Variants in DCDC1 observed in about 807,000 individuals in gnomAD.
The protein encoded by DCDC1 is doublecortin domain containing 1, also known as doublecortin domain-containing protein 1.
Under a neutral mutation model 178.3 loss-of-function variants are expected in DCDC1, and 200 were observed. That is an observed-to-expected ratio of 1.12 (90% CI 1.00 to 1.26). The LOEUF (loss-of-function observed/expected upper bound fraction) is 1.26. Among genes scored for constraint, DCDC1 ranks in the 50% most tolerant of loss-of-function variants. DCDC1 has a pLI of 0.00. For synonymous variants in DCDC1, 690 were observed against 604.8 expected (o/e 1.14, Z -2.07); for missense variants, 1,983 against 1,749.2 (o/e 1.13, Z -2.38).
At chr11:31,082,120 T>G (rs1213223770) in intron 17 of DCDC1, among the ~76,000 whole-genome samples, 1 of 151,936 alleles carries the variant, frequency 6.6e-6, no homozygotes, top group Non-Finnish European at 1.5e-5. Flanking sequence ...AACAACGACA[T>G]CAATAACGAA....
intron 9 of DCDC1, 51 bp downstream of exon 9, chr11:31,241,399 G>C (rs1214245766): frequency 5.1e-6 from 2 of 394,312 alleles, no homozygotes; most frequent in Non-Finnish European, 9.0e-6. Flanking sequence ...ATACAACCAA[G>C]TATATTTTTA....
At chr11:31,290,939 G>C in intron 6 of DCDC1, 87 bp from the exon 7 acceptor site, 7 of 1,187,128 alleles carry the variant, frequency 5.9e-6, no homozygotes, top group Non-Finnish European at 8.3e-6. Flanking sequence ...TATTACCTGT[G>C]TATTATACAC....
chr11:31,085,956 G>T (rs776508644), intron 17 of DCDC1, among the ~76,000 whole-genome samples: 1 of 151,886 alleles, frequency 6.6e-6, no homozygotes, highest in Admixed American at 6.6e-5. Flanking sequence ...TCAAACTCCC[G>T]GTCTCAAGCA....
intron 6 of DCDC1, among the ~76,000 whole-genome samples, chr11:31,296,773 G>C (rs1245031397): frequency 2.0e-5 from 3 of 152,178 alleles, no homozygotes; most frequent in African/African-American, 4.8e-5. Flanking sequence ...AGAAGGAGAA[G>C]TGCAGAGCAA....
intron 20 of DCDC1, among the ~76,000 whole-genome samples, chr11:31,027,315 C>T (rs992761712): frequency 2.4e-4 from 37 of 151,740 alleles, no homozygotes; most frequent in Admixed American, 1.1e-3. Context: ...CTGCCTCCAA[C>T]TCTCATAAAA....
At chr11:30,903,280 A>C (rs1944828706) in intron 32 of DCDC1, among the ~76,000 whole-genome samples, 1 of 152,158 alleles carries the variant, frequency 6.6e-6, no homozygotes, top group Non-Finnish European at 1.5e-5. Flanking sequence ...CTAAAATCAA[A>C]ATTTGCATTA....
At chr11:31,254,992 CTG>C (rs1469714503) in intron 8 of DCDC1, among the ~76,000 whole-genome samples, 1 of 152,098 alleles carries the variant, frequency 6.6e-6, no homozygotes, top group African/African-American at 2.4e-5. Context: ...CATTCTGTCT[CTG>C]TGGATTTATT....
Position 31,284,831 on chromosome 11 carries a change from G to T in DCDC1, c.960+5816C>A, listed in dbSNP as rs368069111. On this transcript the variant is annotated intron_variant, in intron 7 of 38. Coordinates refer to ENST00000684477, the MANE Select transcript of DCDC1 (RefSeq NM_001387274.1). Reference sequence around the variant, plus strand: ...TTTTTGTATTTTTAGTAGAGACAGGGTTTCACCATGTTGGCCAGGCTGGTC... The same window carrying T: ...TTTTTGTATTTTTAGTAGAGACAGGTTTTCACCATGTTGGCCAGGCTGGTC... Among the ~76,000 whole-genome samples the T allele has an allele frequency of 1.8e-4, 27 of 151,840 alleles. 1 individual carries two copies. The East Asian group carries it at 4.7e-3, about 26-fold the overall frequency.
At chr11:31,136,690 G>A (rs1424943911) in intron 10 of DCDC1, among the ~76,000 whole-genome samples, 1 of 152,084 alleles carries the variant, frequency 6.6e-6, no homozygotes, top group Non-Finnish European at 1.5e-5. Flanking sequence ...GTGGTACATA[G>A]AAATTAGAAA....
rs933488157 is a variant in DCDC1 at position 30,913,388 on chromosome 11, A to G, written c.3654-1968T>C. On this transcript the variant is annotated intron_variant, in intron 27 of 38. Coordinates refer to ENST00000684477, the MANE Select transcript of DCDC1 (RefSeq NM_001387274.1). ...CATGCCACTGCACTCCAGCCTGGGCAACAGAGACTCTGTCTCAAAAAAAAA... is the reference window on the plus strand; with the variant it reads ...CATGCCACTGCACTCCAGCCTGGGCGACAGAGACTCTGTCTCAAAAAAAAA... 2.0e-5 allele frequency among the ~76,000 whole-genome samples: 3 copies of G among 151,998 alleles called. No homozygotes were observed. In the East Asian group the frequency reaches 5.8e-4, roughly 29 times the overall value.
rs369486242 is a variant in DCDC1 at position 30,992,198 on chromosome 11, A to C, written c.2592-39630T>G. Among the ~76,000 whole-genome samples the C allele has an allele frequency of 1.7e-4, 26 of 152,326 alleles. No homozygotes were observed. In the South Asian group the frequency reaches 5.0e-3, roughly 29 times the overall value. ...AATTGCTAACAAGTCATTTTAAAAG[A>C]AATGCTGTATTTTTCTCTTAACAGA... On this transcript the variant is annotated intron_variant, in intron 20 of 38. Transcript: ENST00000684477.
intron 1 of DCDC1, among the ~76,000 whole-genome samples, chr11:31,352,336 GTTTA>G (rs959610925): frequency 2.6e-5 from 4 of 152,004 alleles, no homozygotes; most frequent in Admixed American, 6.6e-5. Context: ...AAGAGAAATC[GTTTA>G]TTTATTTAAA....
chr11:31,289,044 T>A (rs574676416), intron 7 of DCDC1, among the ~76,000 whole-genome samples: 6 of 152,066 alleles, frequency 3.9e-5, no homozygotes. Flanking sequence ...TTTCTACAAA[T>A]CATAAAAGAA....
chr11:30,901,132 G>C (rs538851858), intron 32 of DCDC1, among the ~76,000 whole-genome samples: 1 of 152,062 alleles, frequency 6.6e-6, no homozygotes, highest in Non-Finnish European at 1.5e-5. Context: ...CACATATAGT[G>C]AGAAATTCCA....
At chr11:31,286,053 C>A (rs901321376) in intron 7 of DCDC1, among the ~76,000 whole-genome samples, 1 of 152,044 alleles carries the variant, frequency 6.6e-6, no homozygotes, top group African/African-American at 2.4e-5. Context: ...ATGAAGATTT[C>A]CATCATATAG....
intron 20 of DCDC1, among the ~76,000 whole-genome samples, chr11:31,024,725 C>T (rs535385754): frequency 6.6e-6 from 1 of 151,938 alleles, no homozygotes; most frequent in East Asian, 1.9e-4. Flanking sequence ...GACATACATA[C>T]ATTTTATGTC....
chr11:31,056,208 C>T (rs897781517), intron 20 of DCDC1, among the ~76,000 whole-genome samples: 1 of 151,712 alleles, frequency 6.6e-6, no homozygotes, highest in Non-Finnish European at 1.5e-5. Flanking sequence ...ATAAAGTTAA[C>T]TATCAAGATA....
chr11:31,349,081 T>A (rs1191113942), intron 1 of DCDC1, among the ~76,000 whole-genome samples: 2 of 152,140 alleles, frequency 1.3e-5, no homozygotes, highest in Non-Finnish European at 2.9e-5. Context: ...AAATAAGTTA[T>A]GTTTCCTGTT....
At chr11:31,102,587 T>C (rs796412090) in intron 14 of DCDC1, among the ~76,000 whole-genome samples, 8 of 152,280 alleles carry the variant, frequency 5.3e-5, no homozygotes, top group African/African-American at 1.9e-4. Context: ...CATTTTCAAC[T>C]GTTTATTAAA....
Sources: gnomAD v4.1 joint callset for allele counts (sites outside exome capture counted in the v4.1 genomes callset) on GRCh38, gnomAD v4.1.1 for gene constraint, MANE v1.5 for transcripts, NCBI Gene and HGNC (gene_info 2026-07-23, HGNC 2026-07-21) for gene names.